PTBP2: variants seen among roughly 807,000 people sequenced by gnomAD.
PTBP2 encodes polypyrimidine tract binding protein 2.
Under a neutral mutation model 61.4 loss-of-function variants are expected in PTBP2, and 13 were observed. The observed-to-expected ratio is 0.21, with a 90% CI of 0.14 to 0.34. The LOEUF is 0.34. Ranked by LOEUF, PTBP2 falls within the 10% of genes least tolerant of loss-of-function variation. The pLI is 1.00. For synonymous variants in PTBP2, 215 were observed against 218.5 expected, an observed-to-expected ratio of 0.98 and a Z score of 0.14; for missense variants, 405 against 642.6, an observed-to-expected ratio of 0.63 and a Z score of 4.00.
chr1:96,792,320 C>G (rs182523118), intron 8 of PTBP2, among the ~76,000 whole-genome samples: 1 of 152,274 alleles, frequency 6.6e-6, no homozygotes, highest in East Asian at 1.9e-4. Flanking sequence ...TACATCATCT[C>G]TAAATGTAGT....
At chr1:96,766,777 A>T (rs983528545) in intron 3 of PTBP2, among the ~76,000 whole-genome samples, 1 of 152,180 alleles carries the variant, frequency 6.6e-6, no homozygotes, top group Non-Finnish European at 1.5e-5. Context: ...AGTTTACTAC[A>T]GTAACTGGCT....
At chr1:96,737,191 C>T (rs1358283922) in intron 2 of PTBP2, among the ~76,000 whole-genome samples, 2 of 152,068 alleles carry the variant, frequency 1.3e-5, no homozygotes, top group East Asian at 3.9e-4. Flanking sequence ...TGGTCTCGAT[C>T]TCCTGACCTC....
intron 3 of PTBP2, 70 bp downstream of exon 3, chr1:96,751,570 A>G: frequency 1.8e-6 from 2 of 1,113,670 alleles, no homozygotes; most frequent in Non-Finnish European, 2.6e-6. Context: ...CTCAAATTTA[A>G]CCCTGTTATA....
At chr1:96,787,944 A>C (rs1162805018) in intron 8 of PTBP2, among the ~76,000 whole-genome samples, 2 of 151,734 alleles carry the variant, frequency 1.3e-5, no homozygotes, top group Non-Finnish European at 3.0e-5. Context: ...GGGTCAAAGA[A>C]AATGTTAAAG....
intron 7 of PTBP2, among the ~76,000 whole-genome samples, chr1:96,779,087 C>G (rs2101048490): frequency 6.6e-6 from 1 of 152,090 alleles, no homozygotes; most frequent in South Asian, 2.1e-4. Context: ...CAGTCTTAGC[C>G]TTTCTCTCCA....
chr1:96,755,955 AATAC>A (rs1655108683), intron 3 of PTBP2, among the ~76,000 whole-genome samples: 1 of 152,154 alleles, frequency 6.6e-6, no homozygotes, highest in South Asian at 2.1e-4. Flanking sequence ...TTATAATTTA[AATAC>A]ATATACACAT....
rs1351827888 is a variant in PTBP2, at chr1:96,812,696, T to A, written c.1172-16T>A. 2 of 1,517,490 alleles carry A rather than the reference T, an allele frequency of 1.3e-6. No homozygotes were observed. The highest frequency in any genetic ancestry group is 1.8e-6 in the Non-Finnish European group (2 of 1,097,062). The allele number at this position is 1,517,490 out of a possible 1,614,324, so 94.0% of individuals were successfully genotyped here. A position where few individuals can be genotyped will look rare whatever the true frequency, so the allele number is the denominator to read the frequency against. On this transcript the variant is annotated splice_polypyrimidine_tract_variant and intron_variant, in intron 11 of 13. Transcript: ENST00000674951. ...CTTTGATATTGTTTGTTAATAGACATGCTTTCTTTTTATAGCCATGAATCA... is the reference window on the plus strand; with the variant it reads ...CTTTGATATTGTTTGTTAATAGACAAGCTTTCTTTTTATAGCCATGAATCA...
chr1:96,769,104 G>C (rs1047230819), intron 3 of PTBP2, among the ~76,000 whole-genome samples: 1 of 151,974 alleles, frequency 6.6e-6, no homozygotes, highest in East Asian at 1.9e-4. Flanking sequence ...GAAATGCATT[G>C]TTAGGTAATT....
intron 3 of PTBP2, among the ~76,000 whole-genome samples, chr1:96,766,214 C>T (rs774478938): frequency 6.6e-6 from 1 of 152,186 alleles, no homozygotes; most frequent in Non-Finnish European, 1.5e-5. Context: ...TCCGTGATTA[C>T]ATGAACATCT....
chr1:96,799,877 T>C (rs1373892379), intron 8 of PTBP2, among the ~76,000 whole-genome samples: 1 of 152,214 alleles, frequency 6.6e-6, no homozygotes, highest in African/African-American at 2.4e-5. Context: ...TAAAAATACC[T>C]GATTGACAAA....
rs552237035 is a variant in PTBP2 at position 96,739,649 on chromosome 1, C to T, written c.40-11776C>T. Among the ~76,000 whole-genome samples, 25 of 104,504 alleles carry T rather than the reference C, an allele frequency of 2.4e-4. No individual in the cohort carries two copies. The Admixed American group carries it at 2.6e-3, about 11-fold the overall frequency. 68.6% of individuals were successfully genotyped at this position (104,504 alleles called of 152,430 possible). A position where few individuals can be genotyped will look rare whatever the true frequency, so the allele number is the denominator to read the frequency against. On this transcript the variant is annotated intron_variant, in intron 2 of 13. Coordinates refer to ENST00000674951, the MANE Select transcript of PTBP2 (RefSeq NM_021190.4). ...TTTTTTTTTTTTTTTTTTTTTGAGA[C>T]GGAGTCTTACTCTGTCGCCCAGGCT...
rs1403589674 is a variant in PTBP2 at position 96,813,366 on chromosome 1, C to A, written c.1557C>A (p.Asn519Lys). ...IDLHNYNLGE[N>K]HHLRVSFSKS... ...TTCATAATTATAACCTTGGAGAAAA[C>A]CATCATCTGAGAGTGTCTTTCTCCA... Residue 519 changes from asparagine (N) to lysine (K), a missense_variant, in exon 14 of 14, where the codon AAC (asparagine) becomes AAA (lysine). Physicochemically the swap from Asn to Lys is moderately conservative, Grantham distance 94. Transcript: ENST00000674951. 6.2e-7 allele frequency: 1 copy of A among 1,601,426 alleles called. No homozygotes were observed. The highest frequency in any genetic ancestry group is 2.2e-5 in the East Asian group (1 of 44,636).
At chr1:96,766,961 A>G (rs548614649) in intron 3 of PTBP2, among the ~76,000 whole-genome samples, 2 of 152,284 alleles carry the variant, frequency 1.3e-5, no homozygotes, top group African/African-American at 4.8e-5. Flanking sequence ...GTAACTATCT[A>G]ATCTTGGGCA....
intron 8 of PTBP2, among the ~76,000 whole-genome samples, chr1:96,791,957 C>G (rs186052344): frequency 7.3e-5 from 11 of 151,596 alleles, no homozygotes; most frequent in African/African-American, 2.2e-4. Flanking sequence ...CCTCAGCCTC[C>G]CAAGTAGCTG....
intron 2 of PTBP2, among the ~76,000 whole-genome samples, chr1:96,729,568 C>T (rs936441417): frequency 2.6e-5 from 4 of 151,864 alleles, no homozygotes; most frequent in African/African-American, 4.8e-5. Context: ...TTTGTTTTGT[C>T]GGGAGGTTTT....
At chr1:96,772,951 A>T (rs1657548990) in intron 5 of PTBP2, among the ~76,000 whole-genome samples, 1 of 146,528 alleles carries the variant, frequency 6.8e-6, no homozygotes, top group East Asian at 2.0e-4. Flanking sequence ...TGAGTCTACT[A>T]AAAATACAAA....
chr1:96,724,110 A>G (rs1455767279), intron 2 of PTBP2, among the ~76,000 whole-genome samples: 1 of 152,150 alleles, frequency 6.6e-6, no homozygotes, highest in Non-Finnish European at 1.5e-5. Context: ...TTGTCTATTA[A>G]AGAAAGTCTT....
chr1:96,822,873 A>T (rs573903419), exon 14 of PTBP2: 1 of 152,328 alleles, frequency 6.6e-6, no homozygotes, highest in South Asian at 2.1e-4. Flanking sequence ...TTCCATGGTA[A>T]CTTAAAACAT....
chr1:96,813,661 C>CTTTTTTTTTTTTTTTTTTT lies in PTBP2; in HGVS notation c.*259_*277dup, dbSNP rs66475516. 1.7e-5 allele frequency: 2 copies of CTTTTTTTTTTTTTTTTTTT among 120,694 alleles called. No individual in the cohort carries two copies. The highest frequency in any genetic ancestry group is 4.0e-5 in the African/African-American group (1 of 24,934). 7.5% of individuals were successfully genotyped at this position (120,694 alleles called of 1,614,324 possible). Reference sequence around the variant, plus strand: ...TGTTTAAAATTTCAGTTTAATTTTGCTTTTTTTTTTTTTTTTTTTTTCCTT... The same window carrying CTTTTTTTTTTTTTTTTTTT: ...TGTTTAAAATTTCAGTTTAATTTTGCTTTTTTTTTTTTTTTTTTTTTTTTTTTTTTTTTTTTTTTTCCTT... On this transcript the variant is annotated 3_prime_UTR_variant, in exon 14 of 14. Transcript: ENST00000674951.
Sources: allele counts gnomAD v4.1 joint callset (sites outside exome capture counted in the v4.1 genomes callset), GRCh38; gene constraint gnomAD v4.1.1; transcripts MANE v1.5; gene names NCBI Gene and HGNC (gene_info 2026-07-23, HGNC 2026-07-21).